The following FAM135B variants were observed in gnomAD, a reference collection of about 807,000 sequenced individuals.
The protein encoded by FAM135B is family with sequence similarity 135 member B, also known as protein FAM135B.
Under a neutral mutation model 127.7 loss-of-function variants are expected in FAM135B, and 43 were observed. The observed-to-expected ratio is 0.34, with a 90% CI of 0.26 to 0.43. The LOEUF is 0.43. FAM135B is among the 20% of genes least tolerant of loss of function. The probability of loss-of-function intolerance (pLI) is 1.00; values close to 1 mark genes in which losing one functional copy is unlikely to be tolerated. For missense variants in FAM135B, 1,558 were observed against 1,725.6 expected (o/e 0.90, Z 1.72); for synonymous variants, 670 against 665.1 (o/e 1.01, Z -0.11).
chr8:138,226,184 T>TGTGTGTGTGTGTGTGTGCGCGCGCACGC, intron 7 of FAM135B, among the ~76,000 whole-genome samples: 1 of 139,202 alleles, frequency 7.2e-6, no homozygotes, highest in Non-Finnish European at 1.5e-5. Context: ...TGTGTGTGTG[T>TGTGTGTGTGTGTGTGTGCGCGCGCACGC]GCGCGCATGT....
Position 138,152,966 on chromosome 8 carries a change from T to G in FAM135B, c.1509A>C (p.Ser503=). The change falls in exon 13 of 20, where the codon TCA becomes TCC. Residue 503 remains serine (S), a synonymous_variant. Coordinates refer to ENST00000395297, the MANE Select transcript of FAM135B (RefSeq NM_015912.4). ...CTGCTTTGTTTTGAAATTCACCAAT[T>G]GATATATACACCTGAGATTCAGAGC... ...DMCSESQVYI[S]IGEFQNKAGV... The G allele has an allele frequency of 6.2e-7, 1 of 1,614,188 alleles. No homozygotes were observed. Among genetic ancestry groups the G allele is most frequent in the Non-Finnish European group, 8.5e-7 (1 of 1,180,040 alleles).
At position 138,153,035 on chromosome 8, in the gene FAM135B, T is replaced by C. The variant is rs767116432; in HGVS notation, c.1440A>G (p.Pro480=). The C allele has an allele frequency of 6.2e-7, 1 of 1,614,212 alleles. No homozygotes were observed. Among genetic ancestry groups the C allele is most frequent in the South Asian group, 1.1e-5 (1 of 91,078 alleles). ...MDSDEEVIRC[P]EPGENVATQN... is the part of the protein sequence containing the mutation. ...GTGTGGCCACATTCTCACCTGGCTC[T>C]GGACACCTTATAACTTCTTCATCAG... Residue 480 remains proline (P), a synonymous_variant, in exon 13 of 20, where the codon CCA becomes CCG. Transcript: ENST00000395297.
At chr8:138,199,278 C>G (rs533635138) in intron 7 of FAM135B, among the ~76,000 whole-genome samples, 1 of 152,176 alleles carries the variant, frequency 6.6e-6, no homozygotes, top group Non-Finnish European at 1.5e-5. Context: ...CAGGGTGCTA[C>G]CAATTTGAAA....
intron 1 of FAM135B, among the ~76,000 whole-genome samples, chr8:138,427,246 C>CT (rs1313555477): frequency 6.7e-6 from 1 of 149,834 alleles, no homozygotes; most frequent in Non-Finnish European, 1.5e-5. Flanking sequence ...TAAACTGAAT[C>CT]TTTGAGTTGG....
chr8:138,497,143 C>G lies in FAM135B; in HGVS notation c.-492G>C, dbSNP rs1289540051. Among the ~76,000 whole-genome samples the G allele has an allele frequency of 6.6e-6, 1 of 151,408 alleles. No individual in the cohort carries two copies. The highest frequency in any genetic ancestry group is 1.5e-5 in the Non-Finnish European group (1 of 67,820). On this transcript the variant is annotated 5_prime_UTR_variant, in exon 1 of 20. Coordinates refer to ENST00000395297, the MANE Select transcript of FAM135B (RefSeq NM_015912.4). ...CACTCCTCTCCTTCCTCCGCCGGGA[C>G]GCGGCCAGACCCTCCGCGCCGCGCC...
intron 1 of FAM135B, among the ~76,000 whole-genome samples, chr8:138,488,050 T>G (rs573782041): frequency 1.3e-5 from 2 of 150,672 alleles, no homozygotes; most frequent in Admixed American, 1.3e-4. Flanking sequence ...TCTGAGGAGA[T>G]GGACAGGGGA....
intron 3 of FAM135B, among the ~76,000 whole-genome samples, chr8:138,269,074 T>G (rs758372701): frequency 5.9e-5 from 9 of 152,142 alleles, no homozygotes; most frequent in Non-Finnish European, 1.3e-4. Context: ...GCACAAAGAA[T>G]ACGTTCCAAA....
chr8:138,302,020 T>C (rs906728705), intron 3 of FAM135B, among the ~76,000 whole-genome samples: 60 of 152,280 alleles, frequency 3.9e-4, no homozygotes, highest in Non-Finnish European at 4.7e-4. Flanking sequence ...TCCATGCAAC[T>C]TCCCCACCTT....
At chr8:138,398,393 A>T (rs944905084) in intron 1 of FAM135B, among the ~76,000 whole-genome samples, 1 of 152,190 alleles carries the variant, frequency 6.6e-6, no homozygotes, top group Non-Finnish European at 1.5e-5. Context: ...TTTCATATTA[A>T]ATCTGCTCAA....
chr8:138,154,046 T>C (rs561975767), intron 12 of FAM135B, among the ~76,000 whole-genome samples: 1 of 152,112 alleles, frequency 6.6e-6, no homozygotes, highest in Non-Finnish European at 1.5e-5. Context: ...CAGTAGGCAC[T>C]GACTGACACC....
intron 11 of FAM135B, among the ~76,000 whole-genome samples, chr8:138,172,437 C>T (rs1820547264): frequency 6.6e-6 from 1 of 152,212 alleles, no homozygotes; most frequent in Non-Finnish European, 1.5e-5. Flanking sequence ...CACCCTCAGA[C>T]CTCAGTGAGT....
chr8:138,443,775 T>C (rs974633113), intron 1 of FAM135B, among the ~76,000 whole-genome samples: 4 of 152,300 alleles, frequency 2.6e-5, no homozygotes, highest in Non-Finnish European at 4.4e-5. Context: ...AACATCATAA[T>C]GACAGGATCA....
rs192574702 is a variant in FAM135B at position 138,402,297 on chromosome 8, T to C, written c.-19-34295A>G. 2.6e-5 allele frequency among the ~76,000 whole-genome samples: 4 copies of C among 152,288 alleles called. No homozygotes were observed. The East Asian group carries it at 5.8e-4, about 22-fold the overall frequency. ...AGGCCTATGAAGTCAGGGCACTTAATGACAAGGGATTTCTCAGTTTTTCGT... is the reference window on the plus strand; with the variant it reads ...AGGCCTATGAAGTCAGGGCACTTAACGACAAGGGATTTCTCAGTTTTTCGT... On this transcript the variant is annotated intron_variant, in intron 1 of 19. Transcript: ENST00000395297.
At chr8:138,265,062 T>C (rs988379295) in intron 4 of FAM135B, among the ~76,000 whole-genome samples, 1 of 152,192 alleles carries the variant, frequency 6.6e-6, no homozygotes, top group Non-Finnish European at 1.5e-5. Context: ...CAATCAAGTT[T>C]CCAACTAATA....
At chr8:138,160,134 G>T (rs1819211074) in intron 12 of FAM135B, among the ~76,000 whole-genome samples, 1 of 152,084 alleles carries the variant, frequency 6.6e-6, no homozygotes, top group South Asian at 2.1e-4. Context: ...CTGGGGGGTG[G>T]TAAGTCCTGA....
chr8:138,469,905 C>G (rs1009238098), intron 1 of FAM135B, among the ~76,000 whole-genome samples: 1 of 152,274 alleles, frequency 6.6e-6, no homozygotes, highest in East Asian at 1.9e-4. Flanking sequence ...ACTAGCACAT[C>G]GGCTGACATG....
chr8:138,400,823 A>C (rs1277159667), intron 1 of FAM135B, among the ~76,000 whole-genome samples: 1 of 152,216 alleles, frequency 6.6e-6, no homozygotes, highest in Non-Finnish European at 1.5e-5. Flanking sequence ...TCTGTGTTCC[A>C]AAACACCAAA....
At chr8:138,200,457 C>A (rs1010651559) in intron 7 of FAM135B, among the ~76,000 whole-genome samples, 1 of 152,220 alleles carries the variant, frequency 6.6e-6, no homozygotes, top group Non-Finnish European at 1.5e-5. Flanking sequence ...AAGGAAGCCA[C>A]TGCTTAATGA....
chr8:138,426,565 T>A (rs1486306775), intron 1 of FAM135B, among the ~76,000 whole-genome samples: 1 of 151,248 alleles, frequency 6.6e-6, no homozygotes, highest in African/African-American at 2.4e-5. Flanking sequence ...TTAAAAGACA[T>A]GTATGAGAAT....
Sources: allele counts gnomAD v4.1 joint callset (sites outside exome capture counted in the v4.1 genomes callset), GRCh38; gene constraint gnomAD v4.1.1; transcripts MANE v1.5; gene names NCBI Gene and HGNC (gene_info 2026-07-23, HGNC 2026-07-21).